Variants in PDE10A observed in about 807,000 individuals in gnomAD.
PDE10A encodes the protein phosphodiesterase 10A, also known as cAMP and cAMP-inhibited cGMP 3',5'-cyclic phosphodiesterase 10A.
In PDE10A, 39 loss-of-function variants were observed where a neutral mutation model predicts 97.7. The observed-to-expected ratio is 0.40, with a 90% CI of 0.31 to 0.52. PDE10A has a LOEUF of 0.52. Among genes scored for constraint, PDE10A ranks in the 20% least tolerant of loss-of-function variants. The pLI, the probability that PDE10A is intolerant of heterozygous loss-of-function variation, is 0.56. For missense variants in PDE10A, 731 were observed against 1,047.8 expected (o/e 0.70, Z 4.17); for synonymous variants, 371 against 376.8 (o/e 0.98, Z 0.18).
chr6:165,982,330 C>G (rs764560413), intron 1 of PDE10A, among the ~76,000 whole-genome samples: 1 of 152,154 alleles, frequency 6.6e-6, no homozygotes, highest in Non-Finnish European at 1.5e-5. Context: ...AGGATCTTAA[C>G]CAATTTCATC....
rs534512316 is a variant in PDE10A, at chr6:165,767,200, G to A, written c.-615+220329C>T. On this transcript the variant is annotated intron_variant, in intron 1 of 19. Coordinates refer to the PDE10A transcript ENST00000366882. ...GGGTCAGGTGGCACCGAAAAAAAGT[G>A]CTTATTGTTAGACTAGGGGACTAAA... Among the ~76,000 whole-genome samples the A allele has an allele frequency of 3.9e-5, 6 of 152,292 alleles. No homozygotes were observed. The East Asian group carries it at 7.7e-4, about 20-fold the overall frequency.
chr6:165,618,747 C>T (rs73786671), intron 1 of PDE10A, among the ~76,000 whole-genome samples: 1,722 of 152,318 alleles, frequency 0.011, 30 homozygotes, highest in African/African-American at 0.039. Context: ...ACAGCTTCCC[C>T]TCCTCTTGTA....
chr6:165,587,350 G>C (rs992852889), intron 1 of PDE10A, among the ~76,000 whole-genome samples: 3 of 152,170 alleles, frequency 2.0e-5, no homozygotes, highest in African/African-American at 7.2e-5. Context: ...CCAAAACCCA[G>C]CTCTTGAATT....
At chr6:165,345,410 A>ATG (rs1309194837) in intron 18 of PDE10A, among the ~76,000 whole-genome samples, 6 of 152,250 alleles carry the variant, frequency 3.9e-5, no homozygotes, top group African/African-American at 1.4e-4. Flanking sequence ...TCTTTAGTAA[A>ATG]TGTAAGTACT....
rs550536665 is a variant in PDE10A, at chr6:165,450,450, A to G, written c.1024-88T>C. 39 of 543,834 alleles carry G rather than the reference A, an allele frequency of 7.2e-5. No homozygotes were observed. The East Asian group carries it at 1.2e-3, about 17-fold the overall frequency. The allele number at this position is 543,834 out of a possible 1,614,324, so 33.7% of individuals were successfully genotyped here. On this transcript the variant is annotated intron_variant, in intron 3 of 21. Transcript: ENST00000539869. ...AGTCTGTAAGACATACTATTAATATATGTGACTTAATATACTAAGTTATTC... is the reference window on the plus strand; with the variant it reads ...AGTCTGTAAGACATACTATTAATATGTGTGACTTAATATACTAAGTTATTC...
At chr6:165,824,107 A>G (rs1008612082) in intron 1 of PDE10A, among the ~76,000 whole-genome samples, 9 of 152,186 alleles carry the variant, frequency 5.9e-5, no homozygotes, top group Non-Finnish European at 1.0e-4. Flanking sequence ...GACTCAGTCA[A>G]ATGCCTCCTC....
intron 1 of PDE10A, among the ~76,000 whole-genome samples, chr6:165,828,520 G>T (rs979259070): frequency 1.3e-5 from 2 of 152,224 alleles, no homozygotes; most frequent in African/African-American, 4.8e-5. Flanking sequence ...GCTTATTCAT[G>T]TGTACTCACA....
At chr6:165,871,949 G>A (rs577309711) in intron 1 of PDE10A, among the ~76,000 whole-genome samples, 1 of 152,334 alleles carries the variant, frequency 6.6e-6, no homozygotes, top group East Asian at 1.9e-4. Flanking sequence ...ACTCAGTGAA[G>A]CTTTTCACTG....
At chr6:165,467,592 C>T (rs1778732675) in intron 3 of PDE10A, among the ~76,000 whole-genome samples, 1 of 152,176 alleles carries the variant, frequency 6.6e-6, no homozygotes, top group African/African-American at 2.4e-5. Flanking sequence ...GCATAGTTTG[C>T]TGAACATTTT....
intron 1 of PDE10A, among the ~76,000 whole-genome samples, chr6:165,953,565 T>C (rs955212117): frequency 6.6e-6 from 1 of 150,728 alleles, no homozygotes; most frequent in Non-Finnish European, 1.5e-5. Flanking sequence ...CACTCCAGCC[T>C]GGGTGACAGA....
chr6:165,375,685 A>G (rs1418560921), intron 18 of PDE10A, among the ~76,000 whole-genome samples: 1 of 152,240 alleles, frequency 6.6e-6, no homozygotes, highest in Admixed American at 6.5e-5. Context: ...GGAGAAGTCA[A>G]TGTCTAGCTC....
rs1464139215 is a variant in PDE10A, at chr6:165,655,991, A to T, written c.865+5956T>A. ...CCCTGTGAAGAGAGACCTGCACAGA[A>T]CAAGGCAAGGAGCCACACAGCTGCA... On this transcript the variant is annotated intron_variant, in intron 1 of 21. Coordinates refer to ENST00000539869, the MANE Select transcript of PDE10A (RefSeq NM_001385079.1). The surrounding 1 kb of genome is among the most constrained non-coding windows in gnomAD (Gnocchi z 4.5). Among the ~76,000 whole-genome samples the T allele has an allele frequency of 6.6e-6, 1 of 151,994 alleles. No homozygotes were observed. Among genetic ancestry groups the T allele is most frequent in the Non-Finnish European group, 1.5e-5 (1 of 68,006 alleles).
At chr6:165,915,442 T>C (rs1294265785) in intron 1 of PDE10A, among the ~76,000 whole-genome samples, 1 of 152,190 alleles carries the variant, frequency 6.6e-6, no homozygotes, top group Non-Finnish European at 1.5e-5. Flanking sequence ...CCACAGTGTG[T>C]GCGGAGGGAG....
intron 16 of PDE10A, among the ~76,000 whole-genome samples, chr6:165,392,310 G>A (rs1401488361): frequency 1.3e-5 from 2 of 152,106 alleles, no homozygotes; most frequent in East Asian, 1.9e-4. Context: ...GGCAGGATAC[G>A]TCTACATTAT....
Position 165,500,979 on chromosome 6 carries a change from T to C in PDE10A, c.995-18636A>G, listed in dbSNP as rs1334797798. Among the ~76,000 whole-genome samples the C allele has an allele frequency of 3.3e-5, 5 of 152,220 alleles. No homozygotes were observed. In the East Asian group the frequency reaches 7.8e-4, roughly 24 times the overall value. On this transcript the variant is annotated intron_variant, in intron 2 of 21. Transcript: ENST00000539869. ...CTTATTTATGACACAGAGACCTTTG[T>C]TCACATGTCTTCCTGCTGACCCTCT...
intron 1 of PDE10A, among the ~76,000 whole-genome samples, chr6:165,596,353 G>C (rs893838371): frequency 1.3e-5 from 2 of 152,180 alleles, no homozygotes; most frequent in African/African-American, 4.8e-5. Context: ...CCCTGCGTCT[G>C]CCCTTTTTCT....
intron 1 of PDE10A, among the ~76,000 whole-genome samples, chr6:165,575,784 A>C (rs1198187980): frequency 6.6e-6 from 1 of 152,242 alleles, no homozygotes; most frequent in East Asian, 1.9e-4. Flanking sequence ...AACTGCACTA[A>C]AATCATTTTT....
chr6:165,822,204 G>A (rs1446520617), intron 1 of PDE10A, among the ~76,000 whole-genome samples: 1 of 152,066 alleles, frequency 6.6e-6, no homozygotes, highest in African/African-American at 2.4e-5. Flanking sequence ...ACACCTGGAT[G>A]GCACAGTCCA....
intron 1 of PDE10A, among the ~76,000 whole-genome samples, chr6:165,656,524 G>C (rs75743521): frequency 6.6e-6 from 1 of 151,766 alleles, no homozygotes; most frequent in African/African-American, 2.4e-5. Flanking sequence ...AGCACAGAGG[G>C]GATTCTTTCT....
Sources: gnomAD v4.1 joint callset for allele counts (sites outside exome capture counted in the v4.1 genomes callset) on GRCh38, gnomAD v4.1.1 for gene constraint, Gnocchi (gnomAD v3.1) non-coding constraint, MANE v1.5 for transcripts, NCBI Gene and HGNC (gene_info 2026-07-23, HGNC 2026-07-21) for gene names.